The following ZNF208 variants were observed in gnomAD, a reference collection of about 807,000 sequenced individuals.
ZNF208 encodes zinc finger protein 95.
A neutral mutation model predicts 12.1 loss-of-function variants in ZNF208; 10 were observed. That is an observed-to-expected ratio of 0.83 (90% CI 0.51 to 1.40). The LOEUF is 1.40. Among genes scored for constraint, ZNF208 ranks in the 40% most tolerant of loss-of-function variants. ZNF208 has a pLI of 0.00. For missense variants in ZNF208, 1,652 were observed against 1,485.0 expected, an observed-to-expected ratio of 1.11 and a Z score of -1.85; for synonymous variants, 497 against 488.4, an observed-to-expected ratio of 1.02 and a Z score of -0.23.
At chr19:21,949,727 CCAGCTCAA>C in intron 4 of ZNF208, among the ~76,000 whole-genome samples, 1 of 152,160 alleles carries the variant, frequency 6.6e-6, no homozygotes. Context: ...GGCTTAAGGT[CCAGCTCAA>C]CAACCAGTGG....
intron 1 of ZNF208, among the ~76,000 whole-genome samples, chr19:22,000,297 A>C (rs1970921763): frequency 6.6e-6 from 1 of 152,236 alleles, no homozygotes. Context: ...AAAATTGACC[A>C]CACAATCAGA....
downstream of ZNF208, among the ~76,000 whole-genome samples, chr19:21,963,195 C>T (rs189078997): frequency 1.2e-3 from 181 of 152,036 alleles, 1 homozygote; most frequent in African/African-American, 4.1e-3. Context: ...GTTATTTTGC[C>T]TGAAGTACTG....
At chr19:21,947,208 A>C (rs1263319471) in intron 4 of ZNF208, among the ~76,000 whole-genome samples, 2 of 152,180 alleles carry the variant, frequency 1.3e-5, no homozygotes, top group Non-Finnish European at 2.9e-5. Flanking sequence ...TACAGTAATA[A>C]ACATTCATGG....
At chr19:21,985,704 C>G (rs1970619888) in intron 3 of ZNF208, among the ~76,000 whole-genome samples, 1 of 152,192 alleles carries the variant, frequency 6.6e-6, no homozygotes. Flanking sequence ...TGACGGCAGG[C>G]CGGCAGACCT....
rs1327819983 is a variant in ZNF208 at position 21,974,441 on chromosome 19, T to C, written c.593A>G (p.Glu198Gly). 3.1e-6 allele frequency: 5 copies of C among 1,613,668 alleles called. No individual in the cohort carries two copies. Among genetic ancestry groups the C allele is most frequent in the African/African-American group, 1.3e-5 (1 of 74,914 alleles). The change falls in exon 4 of 4, where the codon GAG becomes GGG. Residue 198 changes from glutamate to glycine, a missense_variant. Physicochemically the swap from Glu to Gly is moderately conservative, Grantham distance 98. Coordinates refer to ENST00000397126, the MANE Select transcript of ZNF208 (RefSeq NM_007153.3). ...ACCTTCTTCACATTTGTAGGAATTC[T>C]CTCTAGTATAAATTCTTTTATGTTG... ...LSQHKRIYTR[E>G]NSYKCEEGGK...
At chr19:21,953,090 AT>A (rs1330538511) in intron 4 of ZNF208, among the ~76,000 whole-genome samples, 25 of 152,236 alleles carry the variant, frequency 1.6e-4, no homozygotes, top group African/African-American at 5.3e-4. Flanking sequence ...AATTAATGAA[AT>A]AAAATGAGAA....
In ZNF208 at chr19:21,967,988, G is replaced by GT. The variant is rs1295493118; in HGVS notation, c.*3202dup. 5.3e-5 allele frequency: 8 copies of GT among 151,970 alleles called. No individual in the cohort carries two copies. The East Asian group carries it at 1.5e-3, about 29-fold the overall frequency. The allele number at this position is 151,970 out of a possible 1,614,324, so 9.4% of individuals were successfully genotyped here. ...TTAATGTATTTCTAGGTATTTTTTT[G>GT]TGTGTTTGTTGCTATTGTAAATAGA... On this transcript the variant is annotated 3_prime_UTR_variant, in exon 4 of 4. Transcript: ENST00000397126.
In ZNF208 at chr19:21,988,897, A is replaced by G; in HGVS notation, c.16T>C (p.Phe6Leu). ...GAGAATTCTATGGCCACATCCCTAA[A>G]TGTCAATGATCCCTGGAAAACACAA... Reference protein sequence around the residue: MGSLTFRDVAIEFSLE... With the variant: MGSLTLRDVAIEFSLE... Residue 6 changes from phenylalanine (F) to leucine (L), a missense_variant, in exon 2 of 4, where the codon TTT becomes CTT. By Grantham distance (22) the Phe-to-Leu change is conservative. Transcript: ENST00000397126. 6.2e-7 allele frequency: 1 copy of G among 1,613,992 alleles called. No individual in the cohort carries two copies. Among genetic ancestry groups the G allele is most frequent in the Admixed American group, 1.7e-5 (1 of 59,984 alleles).
chr19:21,990,548 T>C, intron 1 of ZNF208, among the ~76,000 whole-genome samples: 1 of 152,026 alleles, frequency 6.6e-6, no homozygotes, highest in Non-Finnish European at 1.5e-5. Flanking sequence ...CTTTGTTCTT[T>C]TGGCTTAGGA....
chr19:21,983,965 G>A (rs369079590), intron 3 of ZNF208, among the ~76,000 whole-genome samples: 3 of 151,920 alleles, frequency 2.0e-5, no homozygotes, highest in East Asian at 3.9e-4. Flanking sequence ...AAACCTGCAC[G>A]TTCTGCACAT....
chr19:21,940,283 G>T (rs1337219743), intron 4 of ZNF208: 2 of 152,106 alleles, frequency 1.3e-5, no homozygotes, highest in African/African-American at 4.8e-5. Context: ...GTCAAGCTAT[G>T]CAAACCAAGA....
intron 3 of ZNF208, among the ~76,000 whole-genome samples, chr19:21,986,022 C>G (rs1352115775): frequency 6.6e-6 from 1 of 152,166 alleles, no homozygotes; most frequent in Non-Finnish European, 1.5e-5. Flanking sequence ...TATTGCAGAG[C>G]CAGCAGCCCT....
At chr19:21,976,658 T>A (rs1970436252) in intron 3 of ZNF208, among the ~76,000 whole-genome samples, 1 of 152,150 alleles carries the variant, frequency 6.6e-6, no homozygotes, top group Admixed American at 6.5e-5. Context: ...CCTCCCAGGT[T>A]CAAGTGATTC....
intron 3 of ZNF208, chr19:21,986,885 G>C: frequency 2.5e-6 from 1 of 403,562 alleles, no homozygotes; most frequent in Non-Finnish European, 4.3e-6. Flanking sequence ...AGTTTAACAT[G>C]GAGTATCTTA....
At chr19:21,941,640 T>C (rs959741883) in intron 4 of ZNF208, 2 of 370,352 alleles carry the variant, frequency 5.4e-6, no homozygotes, top group South Asian at 1.5e-4. Flanking sequence ...TATGAAGTTT[T>C]TGATAGTCTT....
rs373668822 is a variant in ZNF208 at position 21,971,541 on chromosome 19, C to T, written c.3493G>A (p.Val1165Ile). The change falls in exon 4 of 4, where the codon GTA becomes ATA. Residue 1165 changes from valine to isoleucine, a missense_variant. Around this residue, in one of 3 missense-constraint regions of ZNF208, gnomAD observed 1,239 missense variants for 1,086.2 expected, o/e 1.14. Coordinates refer to ENST00000397126, the MANE Select transcript of ZNF208 (RefSeq NM_007153.3). ...TCTTCACATTTGTAGGGTTTCTCTA[C>T]AGTATGAATTTTCTTATGATAACTA... ...TLSYHKKIHT[V>I]EKPYKCEECG... The T allele has an allele frequency of 2.4e-5, 38 of 1,610,614 alleles. No homozygotes were observed. The highest frequency in any genetic ancestry group is 3.1e-5 in the Non-Finnish European group (36 of 1,179,808).
At position 21,969,413 on chromosome 19, in the gene ZNF208, T is replaced by C. The variant is rs182222840; in HGVS notation, c.*1778A>G. ...AACTTTAGTTTTGGATTTTTTCCTA[T>C]ACTCAGCAGTCTGATTTAGTGTAAT... On this transcript the variant is annotated 3_prime_UTR_variant, in exon 4 of 4. Coordinates refer to ENST00000397126, the MANE Select transcript of ZNF208 (RefSeq NM_007153.3). 9.8e-5 allele frequency among the ~76,000 whole-genome samples: 15 copies of C among 152,344 alleles called. No homozygotes were observed. In the East Asian group the frequency reaches 1.7e-3, roughly 18 times the overall value.
At chr19:21,990,208 T>C (rs1489329115) in intron 1 of ZNF208, among the ~76,000 whole-genome samples, 2 of 152,128 alleles carry the variant, frequency 1.3e-5, no homozygotes, top group African/African-American at 2.4e-5. Flanking sequence ...AGGGTTTTTA[T>C]GGTTTTAGGT....
At chr19:21,990,021 T>C (rs1177006960) in intron 1 of ZNF208, among the ~76,000 whole-genome samples, 2 of 152,144 alleles carry the variant, frequency 1.3e-5, no homozygotes, top group East Asian at 1.9e-4. Flanking sequence ...AATTTTCTCC[T>C]GTTTTGTAGG....
Sources: gnomAD v4.1 joint callset for allele counts (sites outside exome capture counted in the v4.1 genomes callset) on GRCh38, gnomAD v4.1.1 for gene constraint, gnomAD v4.1.1 regional missense constraint, MANE v1.5 for transcripts, NCBI Gene and HGNC (gene_info 2026-07-23, HGNC 2026-07-21) for gene names.